The following KANSL2 variants were observed in gnomAD, a reference collection of about 807,000 sequenced individuals.
KANSL2 encodes NSL complex protein NSL2.
KANSL2 carries 34 observed loss-of-function variants against 55.6 expected under a neutral mutation model. That is an observed-to-expected ratio of 0.61 (90% CI 0.46 to 0.81). KANSL2 has a LOEUF of 0.81. Ranked by LOEUF, KANSL2 falls within the 40% of genes least tolerant of loss-of-function variation. The pLI is 0.00. For synonymous variants in KANSL2, 209 were observed against 214.3 expected (o/e 0.98, Z 0.22); for missense variants, 502 against 609.9 (o/e 0.82, Z 1.86).
chr12:48,680,981 C>A (rs111757098), intron 2 of KANSL2, among the ~76,000 whole-genome samples: 37,162 of 149,166 alleles, frequency 0.25, 5,231 homozygotes, highest in Non-Finnish European at 0.33. Context: ...CGCCCCCCCG[C>A]CAAAAAATTA....
chr12:48,671,433 CCACT>C (rs1262815110), intron 5 of KANSL2, among the ~76,000 whole-genome samples: 2 of 152,080 alleles, frequency 1.3e-5, no homozygotes, highest in Non-Finnish European at 2.9e-5. Context: ...CATTGACTCA[CCACT>C]CACTCACTCG....
chr12:48,682,019 A>G (rs1186115531), intron 1 of KANSL2, 168 bp downstream of exon 1: 2 of 702,966 alleles, frequency 2.8e-6, no homozygotes, highest in Admixed American at 4.0e-5. Flanking sequence ...TGCGAGCGCC[A>G]TTTTGTCCTA....
intron 5 of KANSL2, among the ~76,000 whole-genome samples, chr12:48,669,820 A>C (rs1357694173): frequency 1.3e-5 from 2 of 151,992 alleles, no homozygotes; most frequent in Non-Finnish European, 2.9e-5. Context: ...AAGCTGAAAA[A>C]TTCTTATTGC....
intron 7 of KANSL2, among the ~76,000 whole-genome samples, chr12:48,661,617 T>C (rs1220344285): frequency 6.6e-6 from 1 of 152,226 alleles, no homozygotes; most frequent in Non-Finnish European, 1.5e-5. Flanking sequence ...AAAACTTTTA[T>C]GGTAATTTTT....
intron 9 of KANSL2, chr12:48,654,379 G>A (rs1157672313): frequency 1.5e-5 from 12 of 781,726 alleles, no homozygotes; most frequent in Admixed American, 8.5e-5. Context: ...ATGGTGAGCT[G>A]TAGGTTGTTT....
intron 4 of KANSL2, among the ~76,000 whole-genome samples, chr12:48,676,609 G>C (rs1939826775): frequency 6.6e-6 from 1 of 152,020 alleles, no homozygotes. Context: ...AGTGAGCTGA[G>C]ATCGCACCAT....
At chr12:48,662,157 T>G (rs1002668744) in intron 7 of KANSL2, among the ~76,000 whole-genome samples, 2 of 152,220 alleles carry the variant, frequency 1.3e-5, no homozygotes, top group African/African-American at 4.8e-5. Flanking sequence ...CAGGCTAGAA[T>G]GCAGTGGCGT....
In KANSL2 at chr12:48,660,534, G is replaced by C. The variant is rs1191668691; in HGVS notation, c.1059C>G (p.Ser353Arg). 3 of 1,613,494 alleles carry C rather than the reference G, an allele frequency of 1.9e-6. No individual in the cohort carries two copies. The highest frequency in any genetic ancestry group is 2.5e-6 in the Non-Finnish European group (3 of 1,179,688). ...EVPCNKPVPV[S>R]LSEDPCCPLH... ...GTGGGCAGCAGGGATCCTCAGAGAG[G>C]CTTACAGGAACAGGTTTGTTGCAGG... The change falls in exon 8 of 10, where the codon AGC becomes AGG. Residue 353 changes from serine to arginine, a missense_variant. Ser to Arg is a moderately radical substitution (Grantham distance 110). Transcript: ENST00000420613.
At chr12:48,660,256 T>C (rs1301331663) in intron 8 of KANSL2, 110 bp downstream of exon 8, 1 of 1,099,434 alleles carries the variant, frequency 9.1e-7, no homozygotes, top group Non-Finnish European at 1.3e-6. Flanking sequence ...TATATATCAC[T>C]TCAAAAACTT....
intron 5 of KANSL2, among the ~76,000 whole-genome samples, chr12:48,670,183 A>G (rs1220449671): frequency 2.1e-5 from 3 of 141,898 alleles, no homozygotes; most frequent in Non-Finnish European, 3.0e-5. Context: ...CTGGCGACAG[A>G]GTGAGACTAT....
chr12:48,663,244 A>T (rs1325137775), intron 7 of KANSL2, among the ~76,000 whole-genome samples: 1 of 152,242 alleles, frequency 6.6e-6, no homozygotes, highest in Middle Eastern at 3.2e-3. Context: ...TTACCATATG[A>T]GGAAATATGA....
rs1242507503 is a variant in KANSL2, at chr12:48,669,225, C to T, written c.757G>A (p.Glu253Lys). The T allele has an allele frequency of 6.4e-7, 1 of 1,571,496 alleles. No individual in the cohort carries two copies. The highest frequency in any genetic ancestry group is 1.3e-5 in the African/African-American group (1 of 74,108). The change falls in exon 6 of 10, where the codon GAG becomes AAG. Residue 253 changes from glutamate (E) to lysine (K), a missense_variant. Coordinates refer to ENST00000420613, the MANE Select transcript of KANSL2 (RefSeq NM_017822.4). ...AGACATTTTAATCGCTTTAAGTTCT[C>T]TCGTTCTTTGGCCAAAAGTCCCTCT... ...GPEGLLAKER[E>K]NLKRLKCLRR...
At chr12:48,681,950 C>G (rs1939936406) in intron 1 of KANSL2, 1 of 702,948 alleles carries the variant, frequency 1.4e-6, no homozygotes. Flanking sequence ...CCTCCCCGCA[C>G]GCCGCCTTTG....
chr12:48,675,851 T>C (rs2137201191), intron 4 of KANSL2, among the ~76,000 whole-genome samples: 1 of 152,316 alleles, frequency 6.6e-6, no homozygotes, highest in South Asian at 2.1e-4. Flanking sequence ...AAGGTTTTAT[T>C]ATTAGCATTC....
At position 48,654,096 on chromosome 12, in the gene KANSL2, T is replaced by G; in HGVS notation, c.1427A>C (p.Gln476Pro). Reference sequence around the variant, plus strand: ...CCCATTTGCAGTAGCCAATCCACTCTGAGACAATGGTGCAGAGGCTTTCTC... The same window carrying G: ...CCCATTTGCAGTAGCCAATCCACTCGGAGACAATGGTGCAGAGGCTTTCTC... ...NSEKASAPLS[Q>P]SGLATANGKP... is the part of the protein sequence containing the mutation. The change falls in exon 10 of 10, where the codon CAG becomes CCG. Residue 476 changes from glutamine (Q) to proline (P), a missense_variant. Transcript: ENST00000420613. 6.2e-7 allele frequency: 1 copy of G among 1,612,872 alleles called. No homozygotes were observed. The highest frequency in any genetic ancestry group is 1.1e-5 in the South Asian group (1 of 90,822).
At chr12:48,657,506 A>G (rs1309844084) in intron 8 of KANSL2, among the ~76,000 whole-genome samples, 1 of 152,210 alleles carries the variant, frequency 6.6e-6, no homozygotes, top group Non-Finnish European at 1.5e-5. Flanking sequence ...ATTCATTTTC[A>G]GGTGAGTTGG....
intron 8 of KANSL2, among the ~76,000 whole-genome samples, chr12:48,655,379 G>A (rs1306383214): frequency 6.6e-6 from 1 of 152,070 alleles, no homozygotes; most frequent in South Asian, 2.1e-4. Context: ...GACCAGCCTG[G>A]GCAACATGGT....
chr12:48,679,934 G>T, intron 2 of KANSL2, 101 bp from the exon 3 acceptor site: 1 of 1,038,702 alleles, frequency 9.6e-7, no homozygotes, highest in Non-Finnish European at 1.4e-6. Context: ...GAATTAAAAT[G>T]ACTATTACAT....
intron 2 of KANSL2, 118 bp downstream of exon 2, chr12:48,681,264 C>A (rs1939920487): frequency 1.6e-6 from 2 of 1,235,492 alleles, no homozygotes; most frequent in Non-Finnish European, 2.2e-6. Flanking sequence ...AAGGATACAA[C>A]CATAACCCCA....
Sources: allele counts gnomAD v4.1 joint callset (sites outside exome capture counted in the v4.1 genomes callset), GRCh38; gene constraint gnomAD v4.1.1; transcripts MANE v1.5; gene names NCBI Gene and HGNC (gene_info 2026-07-23, HGNC 2026-07-21).